The following STAC variants were observed in gnomAD, a reference collection of about 807,000 sequenced individuals.
The protein encoded by STAC is SH3 and cysteine-rich domain-containing protein.
STAC carries 43 observed loss-of-function variants against 48.8 expected under a neutral mutation model. That is an observed-to-expected ratio of 0.88 (90% confidence interval 0.69 to 1.14). The LOEUF is 1.14. STAC is among the 50% of genes most tolerant of loss of function. The pLI, the probability that STAC is intolerant of heterozygous loss-of-function variation, is 0.00. For synonymous variants in STAC, 193 were observed against 179.5 expected (o/e 1.07, Z -0.60); for missense variants, 497 against 504.0 (o/e 0.99, Z 0.13).
intron 1 of STAC, among the ~76,000 whole-genome samples, chr3:36,430,306 T>A (rs1462668423): frequency 2.6e-5 from 4 of 152,152 alleles, no homozygotes; most frequent in Admixed American, 6.5e-5. Context: ...TATGGTAGAA[T>A]GATAGGGCAC....
intron 6 of STAC, among the ~76,000 whole-genome samples, chr3:36,495,468 G>A (rs1299084077): frequency 6.6e-6 from 1 of 152,136 alleles, no homozygotes; most frequent in Non-Finnish European, 1.5e-5. Flanking sequence ...AGTTGATTAG[G>A]CCAAAGTCTT....
chr3:36,506,194 G>T (rs1308802030), intron 8 of STAC: 5 of 168,492 alleles, frequency 3.0e-5, no homozygotes, highest in Admixed American at 6.0e-5. Context: ...ATCTGGTGGG[G>T]CCTAATAGGG....
At chr3:36,397,038 A>G (rs527237801) in intron 1 of STAC, among the ~76,000 whole-genome samples, 1 of 152,356 alleles carries the variant, frequency 6.6e-6, no homozygotes, top group South Asian at 2.1e-4. Context: ...TCCTCAAAAC[A>G]AAATGGACAC....
At chr3:36,530,535 T>G (rs554976700) in intron 10 of STAC, among the ~76,000 whole-genome samples, 1 of 152,116 alleles carries the variant, frequency 6.6e-6, no homozygotes, top group African/African-American at 2.4e-5. Flanking sequence ...CTTTATCATT[T>G]TCAAACTAAC....
At chr3:36,411,584 C>T (rs951193676) in intron 1 of STAC, among the ~76,000 whole-genome samples, 4 of 152,162 alleles carry the variant, frequency 2.6e-5, no homozygotes, top group African/African-American at 9.7e-5. Context: ...AGTATTTTGC[C>T]AACAAATTGC....
At chr3:36,393,656 A>G (rs1407270948) in intron 1 of STAC, among the ~76,000 whole-genome samples, 1 of 149,774 alleles carries the variant, frequency 6.7e-6, no homozygotes, top group Non-Finnish European at 1.5e-5. Flanking sequence ...AAAAACAGAC[A>G]AGAGAGAGCT....
At chr3:36,484,065 C>T (rs1278045822) in intron 3 of STAC, among the ~76,000 whole-genome samples, 1 of 152,184 alleles carries the variant, frequency 6.6e-6, no homozygotes, top group Non-Finnish European at 1.5e-5. Flanking sequence ...TTAGACAGGA[C>T]ATCAACAGCT....
intron 3 of STAC, 72 bp downstream of exon 3, chr3:36,483,164 C>A (rs777892999): frequency 1.4e-5 from 17 of 1,206,144 alleles, no homozygotes; most frequent in Non-Finnish European, 1.9e-5. Flanking sequence ...TGAGATCACC[C>A]CCTCCAAAAT....
intron 1 of STAC, among the ~76,000 whole-genome samples, chr3:36,410,380 A>C (rs1700169425): frequency 1.3e-5 from 2 of 152,056 alleles, no homozygotes; most frequent in South Asian, 4.2e-4. Context: ...CTGTGCCTAG[A>C]CTCTGTGCTA....
intron 8 of STAC, among the ~76,000 whole-genome samples, chr3:36,516,510 A>G (rs1698676549): frequency 6.6e-6 from 1 of 152,022 alleles, no homozygotes; most frequent in Admixed American, 6.6e-5. Context: ...TTTTTTTCAC[A>G]CTGCCATGAA....
intron 1 of STAC, among the ~76,000 whole-genome samples, chr3:36,398,368 A>AAAGAAAGAAAAGAAAGAGAG (rs1553631494): frequency 3.1e-4 from 32 of 102,968 alleles, no homozygotes; most frequent in African/African-American, 1.1e-3. Flanking sequence ...AGAAAGAAAG[A>AAAGAAAGAAAAGAAAGAGAG]AAAGAAAGAG....
chr3:36,430,389 T>A (rs1325932811), intron 1 of STAC, among the ~76,000 whole-genome samples: 1 of 152,168 alleles, frequency 6.6e-6, no homozygotes, highest in Non-Finnish European at 1.5e-5. Flanking sequence ...AGAAGCAATA[T>A]TGGAGCTGAG....
chr3:36,416,943 A>C (rs1487764125), intron 1 of STAC, among the ~76,000 whole-genome samples: 1 of 151,936 alleles, frequency 6.6e-6, no homozygotes, highest in Non-Finnish European at 1.5e-5. Context: ...AACCCCCATC[A>C]CCCAACCAAG....
chr3:36,464,051 G>A (rs905025948), intron 2 of STAC, among the ~76,000 whole-genome samples: 2 of 152,100 alleles, frequency 1.3e-5, no homozygotes, highest in African/African-American at 4.8e-5. Context: ...GGATTGCTGG[G>A]TCAAATGGTA....
At chr3:36,385,886 A>C (rs1699605725) in intron 1 of STAC, among the ~76,000 whole-genome samples, 1 of 151,988 alleles carries the variant, frequency 6.6e-6, no homozygotes, top group African/African-American at 2.4e-5. Context: ...TTATTTACCT[A>C]CTCTACTGAT....
rs199667094 is a variant in STAC, at chr3:36,390,178, CA to C, written c.111+9428del. On this transcript the variant is annotated intron_variant, in intron 1 of 10. Coordinates refer to ENST00000273183, the MANE Select transcript of STAC (RefSeq NM_003149.3). ...AACCACTAGCCACTCTAGAAGCCAC[CA>C]AAAGTACTTATACAGCCTGAGAAAA... 8.6e-3 allele frequency among the ~76,000 whole-genome samples: 1,314 copies of C among 152,236 alleles called. 12 individuals are homozygous for C. The highest frequency in any genetic ancestry group is 0.014 in the Non-Finnish European group (946 of 67,996).
In STAC at chr3:36,380,664, C is replaced by T; in HGVS notation, c.21C>T (p.Pro7=). The T allele has an allele frequency of 1.2e-6, 2 of 1,600,742 alleles. No homozygotes were observed. The highest frequency in any genetic ancestry group is 2.3e-5 in the East Asian group (1 of 44,334). Residue 7 remains proline, a synonymous_variant, in exon 1 of 11, where the codon CCC becomes CCT. Transcript: ENST00000273183. MIPPSS[P]REDGVDGLPK... is the part of the protein sequence containing the mutation. Reference sequence around the variant, plus strand: ...CCACGATGATCCCTCCGAGCAGCCCCCGCGAGGACGGCGTGGACGGGCTGC... The same window carrying T: ...CCACGATGATCCCTCCGAGCAGCCCTCGCGAGGACGGCGTGGACGGGCTGC...
intron 1 of STAC, among the ~76,000 whole-genome samples, chr3:36,426,587 G>T (rs4678876): frequency 0.25 from 38,649 of 152,058 alleles, 5,029 homozygotes; most frequent in Admixed American, 0.26. Context: ...TTTCAAGCCA[G>T]AGATTTTTCT....
intron 1 of STAC, among the ~76,000 whole-genome samples, chr3:36,400,024 C>G (rs777514358): frequency 1.3e-5 from 2 of 152,156 alleles, no homozygotes; most frequent in Admixed American, 1.3e-4. Flanking sequence ...ATGCCCCGGT[C>G]GAAAGAGGTA....
Sources: allele counts gnomAD v4.1 joint callset (sites outside exome capture counted in the v4.1 genomes callset), GRCh38; gene constraint gnomAD v4.1.1; transcripts MANE v1.5; gene names NCBI Gene and HGNC (gene_info 2026-07-23, HGNC 2026-07-21).